Variants in USP34 observed in about 807,000 individuals in gnomAD.
USP34 encodes the protein ubiquitin specific peptidase 34, also known as ubiquitin carboxyl-terminal hydrolase 34.
A neutral mutation model predicts 460.3 loss-of-function variants in USP34; 70 were observed. That is an observed-to-expected ratio of 0.15 (90% CI 0.13 to 0.19). The LOEUF (loss-of-function observed/expected upper bound fraction) is 0.19, where lower values mean the gene tolerates loss of function less well. USP34 is among the 10% of genes least tolerant of loss of function. USP34 has a pLI of 1.00. For missense variants in USP34, 3,985 were observed against 4,236.2 expected, an observed-to-expected ratio of 0.94 and a Z score of 1.65; for synonymous variants, 1,647 against 1,405.3, an observed-to-expected ratio of 1.17 and a Z score of -3.85.
At chr2:61,237,731 G>A (rs1195408236) in intron 53 of USP34, among the ~76,000 whole-genome samples, 1 of 150,516 alleles carries the variant, frequency 6.6e-6, no homozygotes, top group Non-Finnish European at 1.5e-5. Flanking sequence ...ACCATGCCCA[G>A]CTATTATTTT....
intron 1 of USP34, among the ~76,000 whole-genome samples, chr2:61,453,294 A>G (rs1695339039): frequency 6.6e-6 from 1 of 152,034 alleles, no homozygotes; most frequent in Non-Finnish European, 1.5e-5. Flanking sequence ...TGCGCCTATA[A>G]TCCCAGCTAC....
At chr2:61,261,026 G>C (rs1688862575) in intron 43 of USP34, among the ~76,000 whole-genome samples, 1 of 152,172 alleles carries the variant, frequency 6.6e-6, no homozygotes, top group Non-Finnish European at 1.5e-5. Flanking sequence ...AAAATGTCAA[G>C]TGTTAGCAAG....
chr2:61,376,495 A>G (rs1692803507), intron 8 of USP34, among the ~76,000 whole-genome samples: 1 of 152,232 alleles, frequency 6.6e-6, no homozygotes, highest in African/African-American at 2.4e-5. Flanking sequence ...TGCAGTGAAC[A>G]TTCCCAATTT....
intron 18 of USP34, among the ~76,000 whole-genome samples, chr2:61,334,845 T>A (rs1347420176): frequency 1.3e-5 from 2 of 152,176 alleles, no homozygotes; most frequent in African/African-American, 4.8e-5. Context: ...GGAATGCTTT[T>A]CTCCAGAATT....
intron 10 of USP34, 105 bp from the exon 11 acceptor site, chr2:61,350,798 A>C: frequency 8.8e-7 from 1 of 1,130,506 alleles, no homozygotes. Context: ...CAGTACACTA[A>C]TATTTTTTAA....
At chr2:61,348,699 A>G (rs1691847164) in intron 14 of USP34, 57 bp downstream of exon 14, 4 of 1,566,380 alleles carry the variant, frequency 2.6e-6, no homozygotes, top group Non-Finnish European at 2.6e-6. Flanking sequence ...AATTCAAATG[A>G]TAAACACGCC....
At chr2:61,259,664 G>T (rs778520222) in intron 44 of USP34, 47 bp downstream of exon 44, 24 of 1,576,026 alleles carry the variant, frequency 1.5e-5, no homozygotes, top group Non-Finnish European at 1.9e-5. Context: ...ATAATTACAG[G>T]CATGAGCCAC....
chr2:61,314,538 G>C, intron 25 of USP34, 47 bp downstream of exon 25: 1 of 1,369,898 alleles, frequency 7.3e-7, no homozygotes, highest in Non-Finnish European at 9.5e-7. Context: ...GATATGTCAG[G>C]AATAAAAATG....
intron 10 of USP34, among the ~76,000 whole-genome samples, chr2:61,362,286 T>C (rs926971848): frequency 3.3e-5 from 5 of 152,194 alleles, no homozygotes; most frequent in Non-Finnish European, 5.9e-5. Context: ...TCTTATGTTA[T>C]GATCCACAAT....
intron 41 of USP34, 187 bp downstream of exon 41, chr2:61,277,978 T>A (rs1689421612): frequency 9.7e-6 from 7 of 724,660 alleles, no homozygotes; most frequent in Non-Finnish European, 1.3e-5. Context: ...CGGACTTGCC[T>A]TCCGGCACGA....
intron 21 of USP34, among the ~76,000 whole-genome samples, chr2:61,320,941 T>C (rs1225934327): frequency 2.0e-5 from 3 of 149,902 alleles, no homozygotes; most frequent in African/African-American, 7.4e-5. Flanking sequence ...ACCCGGGAGG[T>C]GGAGGTTGCA....
chr2:61,365,956 T>TTATTTATTTATTTATG (rs1487078835), intron 10 of USP34, among the ~76,000 whole-genome samples: 32 of 152,152 alleles, frequency 2.1e-4, no homozygotes, highest in South Asian at 4.1e-4. Context: ...ATTTATTTAT[T>TTATTTATTTATTTATG]TATTTATTTA....
chr2:61,205,977 C>T (rs766749113), intron 72 of USP34, 40 bp downstream of exon 72: 1 of 1,443,550 alleles, frequency 6.9e-7, no homozygotes. Context: ...AATGTTCTTC[C>T]ACTAGGTTTT....
chr2:61,468,180 T>C (rs748637634), intron 1 of USP34, among the ~76,000 whole-genome samples: 1 of 152,102 alleles, frequency 6.6e-6, no homozygotes, highest in Non-Finnish European at 1.5e-5. Context: ...CATGTAATTG[T>C]TGAAGTAAAA....
At chr2:61,299,853 T>C (rs1322075909) in intron 29 of USP34, among the ~76,000 whole-genome samples, 2 of 152,228 alleles carry the variant, frequency 1.3e-5, no homozygotes, top group Non-Finnish European at 2.9e-5. Flanking sequence ...CATACTTATA[T>C]ATCCAAGTGA....
intron 48 of USP34, among the ~76,000 whole-genome samples, chr2:61,252,674 T>C (rs1007372879): frequency 3.9e-5 from 6 of 152,232 alleles, no homozygotes; most frequent in African/African-American, 1.4e-4. Flanking sequence ...AAAAATTCAC[T>C]ATTTTAGATT....
intron 10 of USP34, among the ~76,000 whole-genome samples, chr2:61,354,884 T>A (rs1426837474): frequency 1.3e-5 from 2 of 152,144 alleles, no homozygotes; most frequent in African/African-American, 4.8e-5. Context: ...CTCCAACTCC[T>A]GATTGAGTAC....
chr2:61,319,571 G>A (rs1315466133), intron 21 of USP34, among the ~76,000 whole-genome samples: 2 of 150,310 alleles, frequency 1.3e-5, no homozygotes, highest in African/African-American at 4.9e-5. Context: ...GCAGCCAGGT[G>A]AAGTGGCTCC....
chr2:61,359,554 G>A (rs935577175), intron 10 of USP34, among the ~76,000 whole-genome samples: 3 of 151,844 alleles, frequency 2.0e-5, no homozygotes, highest in African/African-American at 7.3e-5. Context: ...TGGGTATGAC[G>A]CCAAAAATAG....
Sources: gnomAD v4.1 joint callset for allele counts (sites outside exome capture counted in the v4.1 genomes callset) on GRCh38, gnomAD v4.1.1 for gene constraint, MANE v1.5 for transcripts, NCBI Gene and HGNC (gene_info 2026-07-23, HGNC 2026-07-21) for gene names.